The following CNTLN variants were observed in gnomAD, a reference collection of about 807,000 sequenced individuals.
The protein encoded by CNTLN is centlein, centrosomal protein.
A neutral mutation model predicts 180.0 loss-of-function variants in CNTLN; 212 were observed. The observed-to-expected ratio is 1.18, with a 90% CI of 1.05 to 1.32. The LOEUF (loss-of-function observed/expected upper bound fraction) is 1.32, where lower values mean the gene tolerates loss of function less well. Ranked by LOEUF, CNTLN falls within the 40% of genes most tolerant of loss-of-function variation. CNTLN has a pLI of 0.00. For synonymous variants in CNTLN, 722 were observed against 563.1 expected (o/e 1.28, Z -3.99); for missense variants, 2,095 against 1,610.9 (o/e 1.30, Z -5.14).
intron 2 of CNTLN, among the ~76,000 whole-genome samples, chr9:17,221,789 T>C (rs984386996): frequency 1.3e-5 from 2 of 152,084 alleles, no homozygotes; most frequent in African/African-American, 4.8e-5. Flanking sequence ...CCAACACTTC[T>C]TTTCCCATTC....
At position 17,394,592 on chromosome 9, in the gene CNTLN, A is replaced by G; in HGVS notation, c.2138A>G (p.Glu713Gly). The G allele has an allele frequency of 6.3e-7, 1 of 1,595,508 alleles. No individual in the cohort carries two copies. The highest frequency in any genetic ancestry group is 8.5e-7 in the Non-Finnish European group (1 of 1,175,214). The change falls in exon 15 of 26, where the codon GAA becomes GGA. Residue 713 changes from glutamate (E) to glycine (G), a missense_variant. By Grantham distance (98) the Glu-to-Gly change is moderately conservative. Coordinates refer to ENST00000380647, the MANE Select transcript of CNTLN (RefSeq NM_017738.4). ...GAGAAAAGGTCGAGAAAATTAAAAG[A>G]AGGGAATAAAAAATTAATGAAAGAA... is the stretch of plus-strand genomic sequence containing the variant. ...SFEKRSRKLK[E>G]GNKKLMKEND... is the part of the protein sequence containing the mutation.
At chr9:17,200,942 C>T (rs111606071) in intron 2 of CNTLN, among the ~76,000 whole-genome samples, 2 of 152,146 alleles carry the variant, frequency 1.3e-5, no homozygotes, top group African/African-American at 4.8e-5. Flanking sequence ...AGCTTTTGCT[C>T]ATTCAGTAAG....
intron 2 of CNTLN, chr9:17,168,245 C>G (rs1820210009): frequency 6.6e-6 from 1 of 151,950 alleles, no homozygotes; most frequent in Non-Finnish European, 1.5e-5. Flanking sequence ...CTCAAACACA[C>G]AAAAGAAAAT....
At chr9:17,497,513 A>G (rs1290908702) in intron 25 of CNTLN, among the ~76,000 whole-genome samples, 1 of 152,174 alleles carries the variant, frequency 6.6e-6, no homozygotes, top group Non-Finnish European at 1.5e-5. Context: ...TAAATAGAAT[A>G]GATCACCCAT....
In CNTLN at chr9:17,342,406, A is replaced by T. The variant is rs375069849; in HGVS notation, c.1848A>T (p.Ala616=). The change falls in exon 12 of 26, where the codon GCA becomes GCT. Residue 616 remains alanine, a synonymous_variant. Coordinates refer to ENST00000380647, the MANE Select transcript of CNTLN (RefSeq NM_017738.4). ...CTGACGCTGTGTGGAATGAACTGGC[A>T]TATTTCAAAAGGGAAAACCAGGAGC... The part of the protein sequence containing the change: ...EDSDAVWNEL[A]YFKRENQELM... 8.4e-5 allele frequency: 135 copies of T among 1,610,692 alleles called. No individual in the cohort carries two copies. The highest frequency in any genetic ancestry group is 9.9e-5 in the Non-Finnish European group (117 of 1,178,852).
chr9:17,367,948 C>T (rs10963067), intron 13 of CNTLN, among the ~76,000 whole-genome samples: 2 of 152,026 alleles, frequency 1.3e-5, no homozygotes, highest in African/African-American at 4.8e-5. Context: ...TGAGAAACCC[C>T]TGCATGAGAA....
chr9:17,250,172 A>C (rs6475125), intron 5 of CNTLN, among the ~76,000 whole-genome samples: 1 of 151,440 alleles, frequency 6.6e-6, no homozygotes, highest in South Asian at 2.1e-4. Flanking sequence ...TGATATGATT[A>C]TGTCTACCCC....
At chr9:17,516,307 G>C in the CNTLN span, among the ~76,000 whole-genome samples, 1 of 152,312 alleles carries the variant, frequency 6.6e-6, no homozygotes, top group Admixed American at 6.5e-5. Flanking sequence ...ATGTAACAGT[G>C]TGGGGGAGAA....
intron 8 of CNTLN, among the ~76,000 whole-genome samples, chr9:17,323,442 C>T (rs949981721): frequency 1.3e-5 from 2 of 152,104 alleles, no homozygotes; most frequent in Non-Finnish European, 2.9e-5. Context: ...CAGCGGCAGG[C>T]GGGTCACGAG....
At chr9:17,423,204 T>G (rs955356127) in intron 18 of CNTLN, among the ~76,000 whole-genome samples, 2 of 152,208 alleles carry the variant, frequency 1.3e-5, no homozygotes, top group Admixed American at 6.5e-5. Context: ...GCCCAAGGCC[T>G]TTGGCAACTA....
At chr9:17,416,591 T>G (rs1381304858) in intron 18 of CNTLN, among the ~76,000 whole-genome samples, 1 of 152,184 alleles carries the variant, frequency 6.6e-6, no homozygotes, top group Non-Finnish European at 1.5e-5. Flanking sequence ...AACTAATATA[T>G]TCATCAGTTA....
At chr9:17,477,384 A>G (rs901099958) in intron 23 of CNTLN, among the ~76,000 whole-genome samples, 1 of 152,200 alleles carries the variant, frequency 6.6e-6, no homozygotes, top group African/African-American at 2.4e-5. Flanking sequence ...TAAGAAATAC[A>G]TTTCACAAGG....
intron 8 of CNTLN, among the ~76,000 whole-genome samples, chr9:17,318,369 A>G (rs1819677010): frequency 6.6e-6 from 1 of 152,164 alleles, no homozygotes; most frequent in Non-Finnish European, 1.5e-5. Context: ...GATGCATTGC[A>G]GAAAACAGAA....
chr9:17,239,372 G>T (rs914957679), intron 5 of CNTLN, among the ~76,000 whole-genome samples: 1 of 152,114 alleles, frequency 6.6e-6, no homozygotes, highest in African/African-American at 2.4e-5. Context: ...CTGGATCCAC[G>T]TTCTTTATCA....
intron 2 of CNTLN, among the ~76,000 whole-genome samples, chr9:17,224,639 G>C (rs1824349120): frequency 1.3e-5 from 2 of 151,876 alleles, no homozygotes; most frequent in South Asian, 4.1e-4. Flanking sequence ...TTTGAGCTTA[G>C]TCCATTTAGT....
intron 7 of CNTLN, chr9:17,302,089 T>TACACACACACACACACACACAC (rs35043839): frequency 1.2e-6 from 1 of 824,398 alleles, no homozygotes; most frequent in Admixed American, 6.5e-5. Context: ...CACATATGTG[T>TACACACACACACACACACACAC]ACACACACAC....
In CNTLN at chr9:17,145,353, C is replaced by T. The variant is rs180736085; in HGVS notation, c.449+1977C>T. On this transcript the variant is annotated intron_variant, in intron 2 of 25. Coordinates refer to ENST00000380647, the MANE Select transcript of CNTLN (RefSeq NM_017738.4). ...TTATAATTTTATGACTATGTAAATA[C>T]TTCCTAGAGAACCATGTAGTATGTT... 7.0e-3 allele frequency among the ~76,000 whole-genome samples: 1,072 copies of T among 152,254 alleles called. 10 individuals carry two copies. Among genetic ancestry groups the T allele is most frequent in the Admixed American group, 8.2e-3 (126 of 15,292 alleles).
At chr9:17,490,848 C>G (rs907781089) in intron 25 of CNTLN, among the ~76,000 whole-genome samples, 2 of 151,960 alleles carry the variant, frequency 1.3e-5, no homozygotes, top group Admixed American at 6.6e-5. Flanking sequence ...TTGTGCCCCC[C>G]ACCAATAGCA....
chr9:17,445,936 C>T (rs1010719877), intron 18 of CNTLN, among the ~76,000 whole-genome samples: 2 of 152,216 alleles, frequency 1.3e-5, no homozygotes, highest in Admixed American at 6.5e-5. Context: ...AGGGAAAAAC[C>T]GCCTTAGGGC....
Sources: gnomAD v4.1 joint callset for allele counts (sites outside exome capture counted in the v4.1 genomes callset) on GRCh38, gnomAD v4.1.1 for gene constraint, MANE v1.5 for transcripts, NCBI Gene and HGNC (gene_info 2026-07-23, HGNC 2026-07-21) for gene names.